The following PPFIA2 variants were observed in gnomAD, a reference collection of about 807,000 sequenced individuals.
PPFIA2 encodes liprin-alpha-2.
A neutral mutation model predicts 175.5 loss-of-function variants in PPFIA2; 46 were observed. That is an observed-to-expected ratio of 0.26 (90% confidence interval 0.21 to 0.34). The LOEUF (loss-of-function observed/expected upper bound fraction) is 0.34, where lower values mean the gene tolerates loss of function less well. Ranked by LOEUF, PPFIA2 falls within the 10% of genes least tolerant of loss-of-function variation. The pLI, the probability that PPFIA2 is intolerant of heterozygous loss-of-function variation, is 1.00. For synonymous variants in PPFIA2, 568 were observed against 511.4 expected, an observed-to-expected ratio of 1.11 and a Z score of -1.49; for missense variants, 1,179 against 1,506.1, an observed-to-expected ratio of 0.78 and a Z score of 3.60.
intron 15 of PPFIA2, among the ~76,000 whole-genome samples, chr12:81,362,001 CTATG>C (rs1328807986): frequency 2.7e-4 from 33 of 124,196 alleles, no homozygotes; most frequent in South Asian, 1.4e-3. Context: ...ATCTATGTAT[CTATG>C]TATCTATCTA....
intron 3 of PPFIA2, among the ~76,000 whole-genome samples, chr12:81,683,637 T>C (rs2074017202): frequency 6.6e-6 from 1 of 152,062 alleles, no homozygotes. Context: ...GGCGTCCTTA[T>C]TATTCCAAAA....
intron 22 of PPFIA2, among the ~76,000 whole-genome samples, chr12:81,316,418 G>T (rs1354022238): frequency 1.3e-5 from 2 of 151,434 alleles, no homozygotes; most frequent in Admixed American, 6.6e-5. Flanking sequence ...TATTTAAAAA[G>T]CCATAATTAT....
chr12:81,552,426 T>C lies in PPFIA2; in HGVS notation c.304-94560A>G, dbSNP rs76831601. Among the ~76,000 whole-genome samples the C allele has an allele frequency of 8.9e-3, 1,359 of 152,056 alleles. 20 individuals are homozygous for C. Among genetic ancestry groups the C allele is most frequent in the African/African-American group, 0.03 (1,266 of 41,540 alleles). ...TAATTACAGAGACAGGTATTTACTT[T>C]GTAAATATAGATGCAACTAAATTGA... On this transcript the variant is annotated intron_variant, in intron 4 of 32. Transcript: ENST00000549396.
chr12:81,586,583 A>G (rs1013740356), intron 4 of PPFIA2, among the ~76,000 whole-genome samples: 4 of 120,160 alleles, frequency 3.3e-5, no homozygotes, highest in Admixed American at 8.2e-5. Flanking sequence ...CAAAGATTCA[A>G]TATGGTAAAC....
intron 4 of PPFIA2, among the ~76,000 whole-genome samples, chr12:81,640,984 AC>A (rs1300512380): frequency 6.6e-6 from 1 of 152,124 alleles, no homozygotes. Context: ...CTTTATTGAT[AC>A]ATAATTGCAC....
intron 13 of PPFIA2, chr12:81,368,266 C>CTA (rs2034106260): frequency 1.3e-6 from 1 of 767,212 alleles, no homozygotes; most frequent in Non-Finnish European, 1.9e-6. Context: ...CCTAAACCCT[C>CTA]TACTGGGATT....
At chr12:81,749,617 CTAA>C (rs1414132136) in intron 3 of PPFIA2, among the ~76,000 whole-genome samples, 1 of 143,998 alleles carries the variant, frequency 6.9e-6, no homozygotes, top group African/African-American at 2.4e-5. Flanking sequence ...TCTAATTATC[CTAA>C]TGATTATTCA....
intron 4 of PPFIA2, among the ~76,000 whole-genome samples, chr12:81,657,286 G>C (rs1212499246): frequency 6.6e-6 from 1 of 152,202 alleles, no homozygotes; most frequent in Non-Finnish European, 1.5e-5. Flanking sequence ...CAAAGCCAAA[G>C]TTTAATGAAT....
At chr12:81,671,807 A>G (rs767614120) in intron 4 of PPFIA2, among the ~76,000 whole-genome samples, 4 of 151,910 alleles carry the variant, frequency 2.6e-5, no homozygotes, top group Non-Finnish European at 5.9e-5. Flanking sequence ...TGAATATACC[A>G]TGGTCCCCCC....
At chr12:81,509,705 C>T (rs11114892) in intron 4 of PPFIA2, among the ~76,000 whole-genome samples, 10,754 of 151,830 alleles carry the variant, frequency 0.071, 546 homozygotes, top group East Asian at 0.2. Flanking sequence ...CTCACTTCTA[C>T]AACCATATAT....
chr12:81,524,121 G>C (rs2063472175), intron 4 of PPFIA2, among the ~76,000 whole-genome samples: 1 of 152,152 alleles, frequency 6.6e-6, no homozygotes, highest in Non-Finnish European at 1.5e-5. Flanking sequence ...GAACATCAGT[G>C]CCCAGGAAGA....
chr12:81,290,976 G>A (rs4240727), intron 24 of PPFIA2, among the ~76,000 whole-genome samples: 134,663 of 151,660 alleles, frequency 0.89, 61,011 homozygotes, highest in South Asian at 0.98. Flanking sequence ...TGATGTTGCA[G>A]TTGCATATTT....
rs1466316272 is a variant in PPFIA2 at position 81,758,425 on chromosome 12, G to T, written c.-28C>A. ...CTAATGTCTGTGATTTCGGGTCCTT[G>T]CTTCTTCAATTGATCAATGACAACC... On this transcript the variant is annotated 5_prime_UTR_variant, in exon 2 of 33. Transcript: ENST00000549396. 10 of 456,476 alleles carry T rather than the reference G, an allele frequency of 2.2e-5. No homozygotes were observed. Among genetic ancestry groups the T allele is most frequent in the Non-Finnish European group, 4.0e-5 (9 of 226,794 alleles). The allele number at this position is 456,476 out of a possible 1,614,324, so 28.3% of individuals were successfully genotyped here. A position where few individuals can be genotyped will look rare whatever the true frequency, so the allele number is the denominator to read the frequency against.
chr12:81,496,962 A>C (rs1219997250), intron 4 of PPFIA2, among the ~76,000 whole-genome samples: 1 of 152,220 alleles, frequency 6.6e-6, no homozygotes, highest in Non-Finnish European at 1.5e-5. Flanking sequence ...AGAGGCTCTA[A>C]AATGGCTTTA....
chr12:81,588,658 C>T (rs1216648723), intron 4 of PPFIA2, among the ~76,000 whole-genome samples: 1 of 151,988 alleles, frequency 6.6e-6, no homozygotes, highest in Non-Finnish European at 1.5e-5. Flanking sequence ...CCTCTTTTGC[C>T]TCTTATAATA....
chr12:81,485,479 C>T (rs2058712454), intron 4 of PPFIA2, among the ~76,000 whole-genome samples: 1 of 151,656 alleles, frequency 6.6e-6, no homozygotes, highest in African/African-American at 2.4e-5. Flanking sequence ...TAAAAGAGTA[C>T]TTTCCCCAAA....
At chr12:81,608,908 A>G (rs139294757) in intron 4 of PPFIA2, among the ~76,000 whole-genome samples, 2 of 151,960 alleles carry the variant, frequency 1.3e-5, no homozygotes, top group East Asian at 3.9e-4. Flanking sequence ...ACTCTTTCTA[A>G]CTTTTTAATG....
intron 5 of PPFIA2, among the ~76,000 whole-genome samples, chr12:81,450,305 T>C (rs1337180227): frequency 6.6e-6 from 1 of 152,192 alleles, no homozygotes; most frequent in Non-Finnish European, 1.5e-5. Context: ...GCACCTGTTG[T>C]TTCCTCACTT....
At chr12:81,464,625 C>T (rs1260682577) in intron 4 of PPFIA2, among the ~76,000 whole-genome samples, 1 of 152,026 alleles carries the variant, frequency 6.6e-6, no homozygotes, top group Non-Finnish European at 1.5e-5. Context: ...TATGTTATTT[C>T]CAAAGTGAAA....
Sources: allele counts gnomAD v4.1 joint callset (sites outside exome capture counted in the v4.1 genomes callset), GRCh38; gene constraint gnomAD v4.1.1; transcripts MANE v1.5; gene names NCBI Gene and HGNC (gene_info 2026-07-23, HGNC 2026-07-21).